Variants in PEAK1 observed in about 807,000 individuals in gnomAD.
PEAK1 encodes the protein pseudopodium enriched atypical kinase 1.
Under a neutral mutation model 124.7 loss-of-function variants are expected in PEAK1, and 54 were observed. The ratio of observed to expected loss-of-function variants is 0.43; its 90% CI spans 0.35 to 0.54. PEAK1 has a LOEUF of 0.54. Ranked by LOEUF, PEAK1 falls within the 20% of genes least tolerant of loss-of-function variation. The pLI is 0.01. For missense variants in PEAK1, 2,046 were observed against 2,134.5 expected, an observed-to-expected ratio of 0.96 and a Z score of 0.82; for synonymous variants, 719 against 760.0, an observed-to-expected ratio of 0.95 and a Z score of 0.89.
chr15:77,224,342 T>G (rs969432613), intron 6 of PEAK1, among the ~76,000 whole-genome samples: 1 of 152,044 alleles, frequency 6.6e-6, no homozygotes, highest in Admixed American at 6.6e-5. Flanking sequence ...TAGAATTCAA[T>G]GTTCACATTA....
chr15:77,328,934 T>C (rs2065740436), intron 2 of PEAK1, among the ~76,000 whole-genome samples: 2 of 152,074 alleles, frequency 1.3e-5, no homozygotes, highest in Admixed American at 6.6e-5. Context: ...AAAACATTTA[T>C]CCACCACATA....
intron 6 of PEAK1, among the ~76,000 whole-genome samples, chr15:77,217,865 A>AC (rs2059217535): frequency 3.9e-5 from 6 of 152,042 alleles, no homozygotes; most frequent in Non-Finnish European, 5.9e-5. Flanking sequence ...TATCCTAAAA[A>AC]GTTTGTTTTT....
intron 8 of PEAK1, among the ~76,000 whole-genome samples, chr15:77,150,643 C>T (rs1159506199): frequency 6.7e-6 from 1 of 149,766 alleles, no homozygotes; most frequent in African/African-American, 2.5e-5. Flanking sequence ...GGTATATCTC[C>T]TAATGCTATC....
intron 5 of PEAK1, among the ~76,000 whole-genome samples, chr15:77,262,109 G>A (rs1462766034): frequency 6.6e-6 from 1 of 152,156 alleles, no homozygotes; most frequent in Non-Finnish European, 1.5e-5. Context: ...CCTGAAGGAA[G>A]CACTAAACAT....
intron 2 of PEAK1, chr15:77,350,744 C>A (rs1195969978): frequency 1.0e-6 from 1 of 984,552 alleles, no homozygotes; most frequent in East Asian, 1.1e-4. Flanking sequence ...TGCTGAAGCA[C>A]CTTATGGATT....
At chr15:77,406,573 C>T (rs1434398182) in intron 1 of PEAK1, among the ~76,000 whole-genome samples, 1 of 152,122 alleles carries the variant, frequency 6.6e-6, no homozygotes, top group Non-Finnish European at 1.5e-5. Flanking sequence ...ATACACCTAA[C>T]CAAGGAGGTG....
chr15:77,141,610 A>G (rs1312186373), intron 8 of PEAK1, among the ~76,000 whole-genome samples: 6 of 152,216 alleles, frequency 3.9e-5, no homozygotes. Flanking sequence ...GAAAAGTTAC[A>G]CTTTCCAACT....
chr15:77,404,189 A>C, intron 1 of PEAK1: 2 of 985,438 alleles, frequency 2.0e-6, no homozygotes, highest in Non-Finnish European at 2.4e-6. Flanking sequence ...GCAAAGGTTT[A>C]ACATCTTGTG....
At chr15:77,205,266 G>C (rs1596600573) in intron 6 of PEAK1, among the ~76,000 whole-genome samples, 1 of 139,508 alleles carries the variant, frequency 7.2e-6, no homozygotes, top group African/African-American at 2.7e-5. Flanking sequence ...AAGATCAAAT[G>C]CCTTTTTTTA....
intron 6 of PEAK1, among the ~76,000 whole-genome samples, chr15:77,245,364 A>C (rs561660059): frequency 7.7e-5 from 11 of 142,684 alleles, no homozygotes; most frequent in African/African-American, 2.3e-4. Context: ...CAAATAATTG[A>C]AAAAAAAAAA....
At chr15:77,197,892 T>C (rs1230886325) in intron 6 of PEAK1, among the ~76,000 whole-genome samples, 1 of 152,030 alleles carries the variant, frequency 6.6e-6, no homozygotes, top group Non-Finnish European at 1.5e-5. Context: ...TTTGTGACAA[T>C]TTGATAAAAC....
chr15:77,378,169 C>A (rs1260027506), intron 1 of PEAK1, among the ~76,000 whole-genome samples: 2 of 144,654 alleles, frequency 1.4e-5, no homozygotes, highest in Admixed American at 1.4e-4. Flanking sequence ...AAGGACTGCA[C>A]TGACTCTGTA....
chr15:77,369,291 A>G (rs2068480343), intron 1 of PEAK1, among the ~76,000 whole-genome samples: 1 of 152,220 alleles, frequency 6.6e-6, no homozygotes. Flanking sequence ...CCCAAAACAC[A>G]AAATTGCCAA....
intron 2 of PEAK1, among the ~76,000 whole-genome samples, chr15:77,289,511 T>C (rs1353742800): frequency 6.6e-6 from 1 of 152,178 alleles, no homozygotes; most frequent in Non-Finnish European, 1.5e-5. Flanking sequence ...GCTTTCTAAA[T>C]GCAATATAAT....
intron 2 of PEAK1, among the ~76,000 whole-genome samples, chr15:77,299,590 A>C (rs1266266930): frequency 6.6e-6 from 1 of 152,198 alleles, no homozygotes; most frequent in Non-Finnish European, 1.5e-5. Context: ...TAAATCTGGA[A>C]TAGTTCTAAA....
At chr15:77,192,799 T>C (rs1327737906) in intron 6 of PEAK1, among the ~76,000 whole-genome samples, 2 of 151,780 alleles carry the variant, frequency 1.3e-5, no homozygotes, top group African/African-American at 4.8e-5. Context: ...AGACAACTTA[T>C]CAAACTCTCT....
intron 1 of PEAK1, chr15:77,403,399 G>A (rs2071539807): frequency 1.1e-6 from 1 of 919,644 alleles, no homozygotes; most frequent in Non-Finnish European, 1.3e-6. Flanking sequence ...TTACGGGTAA[G>A]TAAAAATACA....
rs537918108 is a variant in PEAK1, at chr15:77,368,182, A to T, written c.-665-2957T>A. Among the ~76,000 whole-genome samples the T allele has an allele frequency of 3.2e-4, 49 of 152,312 alleles. No individual in the cohort carries two copies. In the South Asian group the frequency reaches 0.01, roughly 32 times the overall value. On this transcript the variant is annotated intron_variant, in intron 1 of 9. Transcript: ENST00000682557. ...AATATGTATTGATAACTAATCATTT[A>T]AAAATGTTATGAGTTTTGAGCATTT... is the stretch of plus-strand genomic sequence containing the variant.
rs2050990185 is a variant in PEAK1, at chr15:77,111,791, A to G, written c.*2365T>C. ...GACCAGGAAACATTCAGCATTAAAT[A>G]TGTAACCTCATTAAATAGTCAACAT... is the stretch of plus-strand genomic sequence containing the variant. On this transcript the variant is annotated 3_prime_UTR_variant, in exon 10 of 10. Transcript: ENST00000682557. 6.6e-6 allele frequency: 1 copy of G among 152,246 alleles called. No homozygotes were observed. The highest frequency in any genetic ancestry group is 2.4e-5 in the African/African-American group (1 of 41,458). 9.4% of individuals were successfully genotyped at this position (152,246 alleles called of 1,614,324 possible). A position where few individuals can be genotyped will look rare whatever the true frequency, so the allele number is the denominator to read the frequency against.
Sources: gnomAD v4.1 joint callset for allele counts (sites outside exome capture counted in the v4.1 genomes callset) on GRCh38, gnomAD v4.1.1 for gene constraint, MANE v1.5 for transcripts, NCBI Gene and HGNC (gene_info 2026-07-23, HGNC 2026-07-21) for gene names.